SCARF2: variants seen among roughly 807,000 people sequenced by gnomAD.
The protein encoded by SCARF2 is scavenger receptor expressed by endothelial cells 2 protein.
A neutral mutation model predicts 73.4 loss-of-function variants in SCARF2; 39 were observed. That is an observed-to-expected ratio of 0.53 (90% CI 0.41 to 0.69). SCARF2 has a LOEUF of 0.69. Ranked by LOEUF, SCARF2 falls within the 30% of genes least tolerant of loss-of-function variation. SCARF2 has a pLI of 0.00. For missense variants in SCARF2, 1,148 were observed against 1,303.5 expected (o/e 0.88, Z 1.84); for synonymous variants, 605 against 590.0 (o/e 1.03, Z -0.37).
intron 1 of SCARF2, among the ~76,000 whole-genome samples, chr22:20,434,360 C>T (rs1258537367): frequency 6.6e-5 from 10 of 152,112 alleles, no homozygotes; most frequent in Admixed American, 3.9e-4. Context: ...AGAGAGCGCG[C>T]GCCAAGACCT....
chr22:20,435,186 A>C (rs555914540), intron 1 of SCARF2, among the ~76,000 whole-genome samples: 58 of 152,268 alleles, frequency 3.8e-4, no homozygotes, highest in African/African-American at 1.3e-3. Flanking sequence ...CTGTCCTTTC[A>C]GGCTGGGAAG....
At chr22:20,434,820 T>C (rs2052682456) in intron 1 of SCARF2, among the ~76,000 whole-genome samples, 1 of 152,178 alleles carries the variant, frequency 6.6e-6, no homozygotes, top group Admixed American at 6.5e-5. Flanking sequence ...GGTCCATACC[T>C]GTCCATGTTC....
Position 20,427,381 on chromosome 22 carries a change from G to C in SCARF2, c.1693+17C>G, listed in dbSNP as rs545863119. On this transcript the variant is annotated intron_variant, in intron 10 of 10. Transcript: ENST00000622235. ...TTTCACTGGGCTGGAGTGATGCCCA[G>C]GTAGGGCCTTACTTACCCTCATGGG... The C allele has an allele frequency of 3.1e-6, 5 of 1,613,936 alleles. No individual in the cohort carries two copies. The East Asian group carries it at 1.1e-4, about 36-fold the overall frequency.
At chr22:20,434,387 C>T (rs1405987596) in intron 1 of SCARF2, among the ~76,000 whole-genome samples, 1 of 152,162 alleles carries the variant, frequency 6.6e-6, no homozygotes, top group Admixed American at 6.5e-5. Flanking sequence ...TGGTTTGGCA[C>T]ATACTAAGCA....
intron 6 of SCARF2, among the ~76,000 whole-genome samples, chr22:20,430,108 C>G (rs551113874): frequency 6.6e-6 from 1 of 152,174 alleles, no homozygotes. Flanking sequence ...GGGGCTGACT[C>G]GGCTAGGTGG....
At chr22:20,433,049 T>C (rs1463272201) in intron 1 of SCARF2, among the ~76,000 whole-genome samples, 1 of 152,172 alleles carries the variant, frequency 6.6e-6, no homozygotes, top group Non-Finnish European at 1.5e-5. Context: ...CTTGTTCCAT[T>C]TGATTTGGCT....
Position 20,425,316 on chromosome 22 carries a change from TG to T in SCARF2, c.*58del, listed in dbSNP as rs2146117867. Reference sequence around the variant, plus strand: ...CCCGTGCCCGGTAGCGTGGGAGGTGTGGGGTGGCGGGCGGCGCTGCGAAGCT... The same window carrying T: ...CCCGTGCCCGGTAGCGTGGGAGGTGTGGGTGGCGGGCGGCGCTGCGAAGCT... On this transcript the variant is annotated 3_prime_UTR_variant, in exon 11 of 11. Transcript: ENST00000622235. The surrounding 1 kb of genome is among the most constrained non-coding windows in gnomAD (Gnocchi z 4.6). The T allele has an allele frequency of 2.3e-6, 3 of 1,286,524 alleles. No homozygotes were observed. The highest frequency in any genetic ancestry group is 3.5e-5 in the Admixed American group (1 of 28,246). The allele number at this position is 1,286,524 out of a possible 1,614,324, so 79.7% of individuals were successfully genotyped here.
chr22:20,436,813 C>T (rs984818423), intron 1 of SCARF2, among the ~76,000 whole-genome samples: 12 of 152,144 alleles, frequency 7.9e-5, no homozygotes, highest in African/African-American at 2.7e-4. Context: ...CTCCTGGCGT[C>T]CGGGGCTCAC....
rs747848994 is a variant in SCARF2, at chr22:20,425,923, G to T, written c.2053C>A (p.Pro685Thr). Residue 685 changes from proline (P) to threonine (T), a missense_variant, in exon 11 of 11, where the codon CCG becomes ACG. Around this residue, in one of 5 missense-constraint regions of SCARF2, gnomAD observed 437 missense variants for 433.6 expected, o/e 1.01. Coordinates refer to ENST00000622235, the MANE Select transcript of SCARF2 (RefSeq NM_182895.5). This position sits in a 1 kb window ranked among gnomAD's most constrained non-coding sequence, Gnocchi z 4.6. ...AAAGRAPSPP[P>T]PGSEAAPSPS... ...CTGGGCGCGGCCTCGGAGCCTGGCG[G>T]CGGTGGTGAGGGCGCACGGCCAGCT... 3.1e-6 allele frequency: 5 copies of T among 1,597,222 alleles called. No individual in the cohort carries two copies. The highest frequency in any genetic ancestry group is 4.3e-6 in the Non-Finnish European group (5 of 1,175,316).
In SCARF2 at chr22:20,431,398, G is replaced by C. The variant is rs1307137492; in HGVS notation, c.474C>G (p.Cys158Trp). Residue 158 changes from cysteine (C) to tryptophan (W), a missense_variant, in exon 4 of 11, where the codon TGC becomes TGG. Physicochemically the swap from Cys to Trp is radical, Grantham distance 215 (BLOSUM62 -2). Transcript: ENST00000622235. ...WGARCEHACQ[C>W]QHGTCHPRSG... ...TCCGCGGGTGGCACGTGCCGTGCTG[G>C]CACTGGCACGCATGCTCGCAGCGCG... is the stretch of plus-strand genomic sequence containing the variant. 6.5e-7 allele frequency: 1 copy of C among 1,534,530 alleles called. No homozygotes were observed. Among genetic ancestry groups the C allele is most frequent in the African/African-American group, 1.4e-5 (1 of 72,804 alleles).
chr22:20,430,328 G>C, intron 6 of SCARF2, 101 bp downstream of exon 6: 1 of 1,399,274 alleles, frequency 7.1e-7, no homozygotes, highest in South Asian at 1.3e-5. Context: ...CCAAGGCTGA[G>C]GTGATAACCC....
In SCARF2 at chr22:20,425,689, C is replaced by T. The variant is rs1177724310; in HGVS notation, c.2287G>A (p.Ala763Thr). 8.1e-7 allele frequency: 1 copy of T among 1,236,618 alleles called. No individual in the cohort carries two copies. The highest frequency in any genetic ancestry group is 1.0e-6 in the Non-Finnish European group (1 of 992,226). 76.6% of individuals were successfully genotyped at this position (1,236,618 alleles called of 1,614,324 possible). A position where few individuals can be genotyped will look rare whatever the true frequency, so the allele number is the denominator to read the frequency against. ...GCCAACATGGAGGCAGCCTCGGGCG[C>T]GCTTCGCGGGGGACCGCCGGCGTCC... is the stretch of plus-strand genomic sequence containing the variant. ...PTDAGGPPRS[A>T]PEAASMLAAE... is the part of the protein sequence containing the mutation. The change falls in exon 11 of 11, where the codon GCG becomes ACG. Residue 763 changes from alanine to threonine, a missense_variant. Physicochemically the swap from Ala to Thr is moderately conservative, Grantham distance 58. This residue lies in a region of SCARF2 where 46 missense variants were observed against 80.6 expected (regional missense o/e 0.57). Coordinates refer to ENST00000622235, the MANE Select transcript of SCARF2 (RefSeq NM_182895.5). This position sits in a 1 kb window ranked among gnomAD's most constrained non-coding sequence, Gnocchi z 4.6.
intron 3 of SCARF2, 74 bp from the exon 4 acceptor site, chr22:20,431,611 C>T (rs2052648904): frequency 3.9e-6 from 6 of 1,543,344 alleles, no homozygotes; most frequent in Non-Finnish European, 5.2e-6. Context: ...GGAACCTGCC[C>T]GCGTCCCGCA....
rs2052623980 is a variant in SCARF2 at position 20,429,943 on chromosome 22, T to G, written c.1203-110A>C. On this transcript the variant is annotated intron_variant, in intron 6 of 10. Coordinates refer to ENST00000622235, the MANE Select transcript of SCARF2 (RefSeq NM_182895.5). This position sits in a 1 kb window ranked among gnomAD's most constrained non-coding sequence, Gnocchi z 5.2. ...AGGGTCCAGGGTCCCAGAACCGGGC[T>G]CTCTCTCGCTGCATTCGTCGTCTAG... The G allele has an allele frequency of 9.6e-7, 1 of 1,038,748 alleles. No homozygotes were observed. Among genetic ancestry groups the G allele is most frequent in the Non-Finnish European group, 1.4e-6 (1 of 705,164 alleles). The allele number at this position is 1,038,748 out of a possible 1,614,324, so 64.3% of individuals were successfully genotyped here.
chr22:20,426,085 C>T lies in SCARF2; in HGVS notation c.1891G>A (p.Ala631Thr). The T allele has an allele frequency of 6.6e-7, 1 of 1,518,652 alleles. No individual in the cohort carries two copies. The highest frequency in any genetic ancestry group is 8.7e-7 in the Non-Finnish European group (1 of 1,143,430). The allele number at this position is 1,518,652 out of a possible 1,614,324, so 94.1% of individuals were successfully genotyped here. A position where few individuals can be genotyped will look rare whatever the true frequency, so the allele number is the denominator to read the frequency against. The change falls in exon 11 of 11, where the codon GCC (alanine) becomes ACC (threonine). Residue 631 changes from alanine to threonine, a missense_variant. Physicochemically the swap from Ala to Thr is moderately conservative, Grantham distance 58 (BLOSUM62 0). Transcript: ENST00000622235. ...TCGCCCCGGGCCCGGGCCGGCCGGG[C>T]CTCGCGTCGGGCCACGCGCGCGTAC... is the stretch of plus-strand genomic sequence containing the variant. ...ALYARVARREARPARARGEIG... is the reference protein window; with the variant it reads ...ALYARVARRETRPARARGEIG...
At chr22:20,434,170 A>G (rs1483753135) in intron 1 of SCARF2, among the ~76,000 whole-genome samples, 1 of 152,120 alleles carries the variant, frequency 6.6e-6, no homozygotes, top group African/African-American at 2.4e-5. Flanking sequence ...GCATGTACCT[A>G]TAATCCCAGC....
At position 20,429,574 on chromosome 22, in the gene SCARF2, G is replaced by A; in HGVS notation, c.1386C>T (p.Gly462=). 6.2e-7 allele frequency: 1 copy of A among 1,613,268 alleles called. No homozygotes were observed. The highest frequency in any genetic ancestry group is 8.5e-7 in the Non-Finnish European group (1 of 1,179,880). Residue 462 remains glycine (G), a synonymous_variant, in exon 8 of 11, where the codon GGC becomes GGT. Coordinates refer to ENST00000622235, the MANE Select transcript of SCARF2 (RefSeq NM_182895.5). The surrounding 1 kb of genome is among the most constrained non-coding windows in gnomAD (Gnocchi z 5.2). Reference sequence around the variant, plus strand: ...CCTTGCCGCGGCAAGCGCAGCAGCAGCCGAGCAGCGAGAGCAGCAGGCAGA... The same window carrying A: ...CCTTGCCGCGGCAAGCGCAGCAGCAACCGAGCAGCGAGAGCAGCAGGCAGA... The part of the protein sequence containing the change: ...LLVCLLLSLL[G]CCCACRGKDP...
At position 20,429,258 on chromosome 22, in the gene SCARF2, G is replaced by T; in HGVS notation, c.1507C>A (p.Pro503Thr). Residue 503 changes from proline (P) to threonine (T), a missense_variant, in exon 9 of 11, where the codon CCG becomes ACG. Physicochemically the swap from Pro to Thr is conservative, Grantham distance 38. Transcript: ENST00000622235. The surrounding 1 kb of genome is among the most constrained non-coding windows in gnomAD (Gnocchi z 5.2). Reference protein sequence around the residue: ...SRISMKLPRIPLRRQKLPKVV... With the variant: ...SRISMKLPRITLRRQKLPKVV... ...TTGGGTAGTTTCTGCCTCCGGAGCG[G>T]GATCCGGGGCAGCTTCATGCTGATG... 1 of 1,613,916 alleles carries T rather than the reference G, an allele frequency of 6.2e-7. No homozygotes were observed. Among genetic ancestry groups the T allele is most frequent in the Non-Finnish European group, 8.5e-7 (1 of 1,180,026 alleles).
At position 20,425,323 on chromosome 22, in the gene SCARF2, G is replaced by A. The variant is rs2052558852; in HGVS notation, c.*52C>T. 5 of 1,308,612 alleles carry A rather than the reference G, an allele frequency of 3.8e-6. No individual in the cohort carries two copies. The South Asian group carries it at 7.6e-5, about 20-fold the overall frequency. The allele number at this position is 1,308,612 out of a possible 1,614,324, so 81.1% of individuals were successfully genotyped here. A position where few individuals can be genotyped will look rare whatever the true frequency, so the allele number is the denominator to read the frequency against. The stretch of plus-strand genomic sequence containing the variant: ...CCGGTAGCGTGGGAGGTGTGGGGTG[G>A]CGGGCGGCGCTGCGAAGCTGAGGGA... On this transcript the variant is annotated 3_prime_UTR_variant, in exon 11 of 11. Coordinates refer to ENST00000622235, the MANE Select transcript of SCARF2 (RefSeq NM_182895.5). The surrounding 1 kb of genome is among the most constrained non-coding windows in gnomAD (Gnocchi z 4.6).
Sources: allele counts gnomAD v4.1 joint callset (sites outside exome capture counted in the v4.1 genomes callset), GRCh38; gene constraint gnomAD v4.1.1; regional missense constraint gnomAD v4.1.1; non-coding constraint Gnocchi (gnomAD v3.1); transcripts MANE v1.5; gene names NCBI Gene and HGNC (gene_info 2026-07-23, HGNC 2026-07-21).